Variants in HEMK2 observed in about 807,000 individuals in gnomAD.
HEMK2 encodes methyltransferase HEMK2.
chr21:28,818,130 G>T, the HEMK2 span, among the ~76,000 whole-genome samples: 3 of 152,132 alleles, frequency 2.0e-5, no homozygotes, highest in African/African-American at 7.2e-5. Context: ...ATCTGGGTGA[G>T]CACAATCTAA....
At chr21:28,657,794 T>C in the HEMK2 span, among the ~76,000 whole-genome samples, 1 of 152,004 alleles carries the variant, frequency 6.6e-6, no homozygotes, top group East Asian at 1.9e-4. Context: ...AGCACAACAA[T>C]GATCTTTTCT....
the HEMK2 span, among the ~76,000 whole-genome samples, chr21:28,741,643 A>G: frequency 2.6e-5 from 4 of 152,168 alleles, no homozygotes; most frequent in African/African-American, 7.2e-5. Context: ...AAGTGAGAAC[A>G]TGTGGTATTT....
At chr21:28,765,705 C>T in the HEMK2 span, among the ~76,000 whole-genome samples, 2 of 151,968 alleles carry the variant, frequency 1.3e-5, no homozygotes, top group East Asian at 3.9e-4. Context: ...AATAACTTGA[C>T]AAGTCTTACT....
At chr21:28,658,825 T>C in the HEMK2 span, among the ~76,000 whole-genome samples, 7 of 152,156 alleles carry the variant, frequency 4.6e-5, no homozygotes, top group East Asian at 1.9e-4. Flanking sequence ...TTTAGATTCA[T>C]TGTAGCACTT....
chr21:28,698,185 T>C, the HEMK2 span, among the ~76,000 whole-genome samples: 1 of 152,204 alleles, frequency 6.6e-6, no homozygotes, highest in Non-Finnish European at 1.5e-5. Flanking sequence ...ATTCAGACCA[T>C]AGCACATCAT....
chr21:28,659,025 C>T, the HEMK2 span, among the ~76,000 whole-genome samples: 14 of 152,236 alleles, frequency 9.2e-5, no homozygotes, highest in Non-Finnish European at 1.6e-4. Context: ...CCAGCTACTT[C>T]CTGACTGTCA....
At chr21:28,813,791 A>G in the HEMK2 span, among the ~76,000 whole-genome samples, 11 of 152,224 alleles carry the variant, frequency 7.2e-5, no homozygotes, top group Non-Finnish European at 1.5e-4. Flanking sequence ...CAATTATCTG[A>G]TCTTTGACAA....
At chr21:28,591,572 C>T in the HEMK2 span, among the ~76,000 whole-genome samples, 7 of 152,260 alleles carry the variant, frequency 4.6e-5, no homozygotes, top group East Asian at 5.8e-4. Context: ...ATTTTAAGTT[C>T]GGGGTACATG....
chr21:28,584,756 C>A, the HEMK2 span, among the ~76,000 whole-genome samples: 268 of 152,042 alleles, frequency 1.8e-3, no homozygotes, highest in Non-Finnish European at 3.3e-3. Context: ...CTATGTAAAG[C>A]TGGGGCTGAT....
At chr21:28,766,790 C>CTAAGTTAT in the HEMK2 span, among the ~76,000 whole-genome samples, 1 of 151,984 alleles carries the variant, frequency 6.6e-6, no homozygotes, top group Admixed American at 6.6e-5. Flanking sequence ...TAAGTGGGAG[C>CTAAGTTAT]TAAGTTATGA....
chr21:28,662,110 C>A, the HEMK2 span, among the ~76,000 whole-genome samples: 1 of 151,956 alleles, frequency 6.6e-6, no homozygotes, highest in Non-Finnish European at 1.5e-5. Context: ...AATAAACAAT[C>A]TGAAATATTA....
the HEMK2 span, among the ~76,000 whole-genome samples, chr21:28,819,800 G>A: frequency 6.6e-6 from 1 of 151,748 alleles, no homozygotes; most frequent in Non-Finnish European, 1.5e-5. Flanking sequence ...CACCCACCTC[G>A]GCCTCCCAAA....
chr21:28,694,897 C>T, the HEMK2 span, among the ~76,000 whole-genome samples: 1 of 151,702 alleles, frequency 6.6e-6, no homozygotes, highest in Non-Finnish European at 1.5e-5. Flanking sequence ...ACTCAGGAGG[C>T]TGAGGCAGGA....
the HEMK2 span, among the ~76,000 whole-genome samples, chr21:28,811,501 G>T: frequency 4.0e-5 from 6 of 151,820 alleles, no homozygotes; most frequent in Non-Finnish European, 5.9e-5. Context: ...AGCCAAGAAG[G>T]CTGATATATA....
At chr21:28,885,166 A>G in the HEMK2 span, 19 of 1,494,592 alleles carry the variant, frequency 1.3e-5, no homozygotes, top group Admixed American at 6.2e-5. Flanking sequence ...GCACTTCTTC[A>G]GAAAGCCGCA....
At chr21:28,798,761 C>A in the HEMK2 span, among the ~76,000 whole-genome samples, 1 of 152,156 alleles carries the variant, frequency 6.6e-6, no homozygotes, top group Non-Finnish European at 1.5e-5. Flanking sequence ...ACAGCTAATA[C>A]AGCTAATACA....
the HEMK2 span, among the ~76,000 whole-genome samples, chr21:28,686,828 T>C: frequency 7.2e-5 from 11 of 152,144 alleles, no homozygotes; most frequent in African/African-American, 2.2e-4. Flanking sequence ...AAATATCAGG[T>C]CAGGCCTTCG....
At chr21:28,855,881 T>C in the HEMK2 span, among the ~76,000 whole-genome samples, 2 of 151,928 alleles carry the variant, frequency 1.3e-5, no homozygotes, top group Non-Finnish European at 2.9e-5. Flanking sequence ...AAGAGGGAGG[T>C]TGACAATGCT....
At chr21:28,879,744 A>G in the HEMK2 span, 2 of 614,002 alleles carry the variant, frequency 3.3e-6, no homozygotes, top group Non-Finnish European at 5.2e-6. Context: ...ATTACTGACA[A>G]TTAGGAGTAA....
Sources: allele counts gnomAD v4.1 joint callset (sites outside exome capture counted in the v4.1 genomes callset), GRCh38; gene constraint gnomAD v4.1.1; transcripts MANE v1.5; gene names NCBI Gene and HGNC (gene_info 2026-07-23, HGNC 2026-07-21).